LPAR3: variants seen among roughly 807,000 people sequenced by gnomAD.
LPAR3 encodes the protein lysophosphatidic acid receptor 3.
LPAR3 carries 7 observed loss-of-function variants against 17.8 expected under a neutral mutation model. The ratio of observed to expected loss-of-function variants is 0.39; its 90% CI spans 0.22 to 0.74. LPAR3 has a LOEUF of 0.74. Ranked by LOEUF, LPAR3 falls within the 30% of genes least tolerant of loss-of-function variation. The pLI is 0.40. For missense variants in LPAR3, 391 were observed against 453.4 expected (o/e 0.86, Z 1.25); for synonymous variants, 179 against 179.9 (o/e 0.99, Z 0.04).
intron 1 of LPAR3, among the ~76,000 whole-genome samples, chr1:84,891,265 A>C (rs1449304176): frequency 6.6e-6 from 1 of 152,220 alleles, no homozygotes; most frequent in Non-Finnish European, 1.5e-5. Flanking sequence ...TTCTAAAGAC[A>C]AAGAAAAAAT....
At chr1:84,884,415 G>A (rs1660420710) in intron 1 of LPAR3, among the ~76,000 whole-genome samples, 1 of 152,282 alleles carries the variant, frequency 6.6e-6, no homozygotes. Flanking sequence ...CAAGCATTTT[G>A]CATTTCTAAC....
intron 2 of LPAR3, among the ~76,000 whole-genome samples, chr1:84,832,514 C>T (rs181957514): frequency 6.6e-6 from 1 of 152,248 alleles, no homozygotes; most frequent in East Asian, 1.9e-4. Context: ...TTGAAGACGA[C>T]ATGATAAAGA....
At chr1:84,842,040 G>A (rs1038291320) in intron 2 of LPAR3, among the ~76,000 whole-genome samples, 17 of 152,144 alleles carry the variant, frequency 1.1e-4, no homozygotes, top group Non-Finnish European at 1.8e-4. Context: ...TTAGCACATG[G>A]AGAGAAACTC....
At chr1:84,848,516 C>T (rs923743013) in intron 2 of LPAR3, among the ~76,000 whole-genome samples, 1 of 152,232 alleles carries the variant, frequency 6.6e-6, no homozygotes, top group South Asian at 2.1e-4. Flanking sequence ...AAGCTACCCT[C>T]CCTGAGCTGC....
At chr1:84,819,768 T>C (rs1423923358) in intron 2 of LPAR3, among the ~76,000 whole-genome samples, 1 of 152,232 alleles carries the variant, frequency 6.6e-6, no homozygotes, top group African/African-American at 2.4e-5. Flanking sequence ...TGCTGCTCTT[T>C]GGCTCGCCGT....
chr1:84,826,891 C>A (rs1158256516), intron 2 of LPAR3, among the ~76,000 whole-genome samples: 4 of 152,160 alleles, frequency 2.6e-5, no homozygotes, highest in Non-Finnish European at 5.9e-5. Flanking sequence ...TTCACTAAAA[C>A]TACTCCTGTT....
At position 84,846,151 on chromosome 1, in the gene LPAR3, G is replaced by T. The variant is rs536673785; in HGVS notation, c.736+19234C>A. On this transcript the variant is annotated intron_variant, in intron 2 of 2. Transcript: ENST00000370611. ...ATAAATTCAAGATTGTAAGTTTACT[G>T]ATCATAAAATATGTCAAAAAGACTT... Among the ~76,000 whole-genome samples the T allele has an allele frequency of 3.9e-5, 6 of 152,212 alleles. No homozygotes were observed. The East Asian group carries it at 9.6e-4, about 24-fold the overall frequency.
chr1:84,877,219 A>G (rs928219883), intron 1 of LPAR3, among the ~76,000 whole-genome samples: 1 of 152,252 alleles, frequency 6.6e-6, no homozygotes, highest in Non-Finnish European at 1.5e-5. Flanking sequence ...GCCAAGGGGA[A>G]GCTGCAGCCA....
intron 2 of LPAR3, among the ~76,000 whole-genome samples, chr1:84,828,769 T>A (rs1052325887): frequency 6.6e-6 from 1 of 152,214 alleles, no homozygotes; most frequent in Non-Finnish European, 1.5e-5. Context: ...TTTCCTCAGA[T>A]ATTCTGTAAA....
Position 84,865,610 on chromosome 1 carries a change from A to C in LPAR3, c.511T>G (p.Cys171Gly). Residue 171 changes from cysteine to glycine, a missense_variant, in exon 2 of 3, where the codon TGC becomes GGC. By Grantham distance (159) the Cys-to-Gly change is radical. Transcript: ENST00000370611. Reference protein sequence around the residue: ...AVPTLGWNCLCNISACSSLAP... With the variant: ...AVPTLGWNCLGNISACSSLAP... Reference sequence around the variant, plus strand: ...AGGGAAGAGCAGGCAGAGATGTTGCAGAGGCAATTCCAGCCCAGTGTGGGG... The same window carrying C: ...AGGGAAGAGCAGGCAGAGATGTTGCCGAGGCAATTCCAGCCCAGTGTGGGG... 1 of 1,614,228 alleles carries C rather than the reference A, an allele frequency of 6.2e-7. No individual in the cohort carries two copies. The highest frequency in any genetic ancestry group is 8.5e-7 in the Non-Finnish European group (1 of 1,180,042).
intron 2 of LPAR3, among the ~76,000 whole-genome samples, chr1:84,839,352 A>G (rs1361529806): frequency 6.6e-6 from 1 of 152,236 alleles, no homozygotes; most frequent in African/African-American, 2.4e-5. Context: ...ATGGTTCCCT[A>G]GATTAAGTTC....
At chr1:84,841,437 G>A (rs1276549361) in intron 2 of LPAR3, among the ~76,000 whole-genome samples, 1 of 152,134 alleles carries the variant, frequency 6.6e-6, no homozygotes, top group Non-Finnish European at 1.5e-5. Flanking sequence ...AAAAGTGAAT[G>A]AAACCCCCAT....
chr1:84,888,010 C>T lies in LPAR3; in HGVS notation c.-19+5006G>A, dbSNP rs865853192. 1.4e-4 allele frequency among the ~76,000 whole-genome samples: 21 copies of T among 151,086 alleles called. No individual in the cohort carries two copies. In the South Asian group the frequency reaches 1.5e-3, roughly 11 times the overall value. ...TCCATTTCCTGATTTGATGGGTGTA[C>T]GCTGGTTATATAGGAGGACAGAGTG... On this transcript the variant is annotated intron_variant, in intron 1 of 2. Coordinates refer to ENST00000370611, the MANE Select transcript of LPAR3 (RefSeq NM_012152.3).
At chr1:84,871,978 C>T (rs1570899122) in intron 1 of LPAR3, among the ~76,000 whole-genome samples, 1 of 152,178 alleles carries the variant, frequency 6.6e-6, no homozygotes. Flanking sequence ...TTTCTCCATA[C>T]CTCAACTATC....
At chr1:84,814,214 G>A (rs1242139112) in intron 2 of LPAR3, 43 bp from the exon 3 acceptor site, 1 of 1,534,262 alleles carries the variant, frequency 6.5e-7, no homozygotes, top group Admixed American at 1.7e-5. Flanking sequence ...CAGACCTTAG[G>A]GGACTTATTC....
At chr1:84,843,170 T>C (rs1570876266) in intron 2 of LPAR3, among the ~76,000 whole-genome samples, 1 of 152,172 alleles carries the variant, frequency 6.6e-6, no homozygotes, top group African/African-American at 2.4e-5. Flanking sequence ...AAAATCTAAC[T>C]CCTGTCTTCA....
intron 2 of LPAR3, among the ~76,000 whole-genome samples, chr1:84,839,874 A>G (rs1659475993): frequency 6.6e-6 from 1 of 152,154 alleles, no homozygotes; most frequent in African/African-American, 2.4e-5. Context: ...AAATTAAATA[A>G]GTAAATATCC....
intron 2 of LPAR3, among the ~76,000 whole-genome samples, chr1:84,817,163 T>A (rs910090133): frequency 6.6e-6 from 1 of 152,146 alleles, no homozygotes; most frequent in East Asian, 1.9e-4. Context: ...AGTCTGAGCA[T>A]TGAGGCTAAA....
In LPAR3 at chr1:84,813,560, C is replaced by T; in HGVS notation, c.*286G>A. The T allele has an allele frequency of 3.0e-6, 1 of 336,518 alleles. No homozygotes were observed. The highest frequency in any genetic ancestry group is 5.4e-6 in the Non-Finnish European group (1 of 183,502). The allele number at this position is 336,518 out of a possible 1,614,324, so 20.8% of individuals were successfully genotyped here. ...CAAAGAGAATGGCTACGAAATGGTGCCAGAACCCAGAAGGCCCAGCTGGAC... is the reference window on the plus strand; with the variant it reads ...CAAAGAGAATGGCTACGAAATGGTGTCAGAACCCAGAAGGCCCAGCTGGAC... On this transcript the variant is annotated 3_prime_UTR_variant, in exon 3 of 3. Transcript: ENST00000370611.
Sources: allele counts gnomAD v4.1 joint callset (sites outside exome capture counted in the v4.1 genomes callset), GRCh38; gene constraint gnomAD v4.1.1; transcripts MANE v1.5; gene names NCBI Gene and HGNC (gene_info 2026-07-23, HGNC 2026-07-21).